Variants in PDE4D observed in about 807,000 individuals in gnomAD.
The protein encoded by PDE4D is phosphodiesterase 4D.
PDE4D carries 24 observed loss-of-function variants against 87.4 expected under a neutral mutation model. That is an observed-to-expected ratio of 0.27 (90% CI 0.20 to 0.39). The LOEUF (loss-of-function observed/expected upper bound fraction) is 0.39, where lower values mean the gene tolerates loss of function less well. Ranked by LOEUF, PDE4D falls within the 10% of genes least tolerant of loss-of-function variation. The probability of loss-of-function intolerance (pLI) is 1.00; values close to 1 mark genes in which losing one functional copy is unlikely to be tolerated. For synonymous variants in PDE4D, 384 were observed against 383.2 expected (o/e 1.00, Z -0.02); for missense variants, 714 against 1,041.0 (o/e 0.69, Z 4.32).
At chr5:59,276,047 G>A (rs1764728983) in intron 1 of PDE4D, 2 of 983,002 alleles carry the variant, frequency 2.0e-6, no homozygotes, top group Non-Finnish European at 2.4e-6. Context: ...AATCTCACCA[G>A]GCAGAAACTA....
chr5:59,686,615 T>C (rs1749908036), intron 1 of PDE4D, among the ~76,000 whole-genome samples: 1 of 152,170 alleles, frequency 6.6e-6, no homozygotes, highest in Admixed American at 6.6e-5. Context: ...ATAATATCTG[T>C]TGAGTGAATG....
intron 1 of PDE4D, chr5:59,528,933 C>T (rs1002861896): frequency 2.3e-4 from 96 of 417,966 alleles, no homozygotes; most frequent in Admixed American, 5.4e-4. Flanking sequence ...CCAAATATGA[C>T]ATATCTCTGG....
chr5:59,884,045 A>C (rs571136681), intron 1 of PDE4D, among the ~76,000 whole-genome samples: 1 of 152,142 alleles, frequency 6.6e-6, no homozygotes, highest in Non-Finnish European at 1.5e-5. Context: ...TAAAAACAAC[A>C]CATGCTCATT....
chr5:60,504,375 T>C (rs1285542933), intron 1 of PDE4D, among the ~76,000 whole-genome samples: 1 of 152,008 alleles, frequency 6.6e-6, no homozygotes, highest in Non-Finnish European at 1.5e-5. Flanking sequence ...ATTTTTAGCA[T>C]GACATGTGAA....
chr5:60,183,931 G>A (rs1033540809), intron 2 of PDE4D, among the ~76,000 whole-genome samples: 8 of 152,082 alleles, frequency 5.3e-5, no homozygotes, highest in African/African-American at 1.9e-4. Flanking sequence ...ATTTAATTAA[G>A]TGGAAGCATT....
rs1755516208 is a variant in PDE4D, at chr5:59,928,408, T to C, written c.272+60080A>G. Among the ~76,000 whole-genome samples the C allele has an allele frequency of 3.3e-5, 5 of 152,112 alleles. No individual in the cohort carries two copies. The South Asian group carries it at 1.0e-3, about 32-fold the overall frequency. On this transcript the variant is annotated intron_variant, in intron 3 of 16. Coordinates refer to the PDE4D transcript ENST00000502484. ...GCCTGGCCAACATCCTGAGACACCG[T>C]CTCTACCGAAAATACAAAAATTAGC...
At chr5:59,422,279 C>A (rs1353455124) in intron 1 of PDE4D, among the ~76,000 whole-genome samples, 1 of 152,120 alleles carries the variant, frequency 6.6e-6, no homozygotes, top group Non-Finnish European at 1.5e-5. Flanking sequence ...TCCTTCTCAT[C>A]AAATTTCTTC....
chr5:59,512,303 C>T lies in PDE4D; in HGVS notation c.456-296335G>A, dbSNP rs941816444. Among the ~76,000 whole-genome samples, 8 of 152,092 alleles carry T rather than the reference C, an allele frequency of 5.3e-5. No individual in the cohort carries two copies. The South Asian group carries it at 1.7e-3, about 32-fold the overall frequency. On this transcript the variant is annotated intron_variant, in intron 1 of 14. Transcript: ENST00000340635. ...TGACATGAAGATATTTTCTCTGTTT[C>T]CATTAAGGTTATATTCCTCTCTGGG...
At chr5:59,806,491 G>A (rs1767749907) in intron 1 of PDE4D, among the ~76,000 whole-genome samples, 1 of 152,146 alleles carries the variant, frequency 6.6e-6, no homozygotes, top group Non-Finnish European at 1.5e-5. Context: ...AAGGGCTAAT[G>A]GAACAGCCAT....
chr5:59,821,376 C>A (rs576686342), intron 1 of PDE4D, among the ~76,000 whole-genome samples: 13 of 152,166 alleles, frequency 8.5e-5, no homozygotes, highest in Admixed American at 2.6e-4. Flanking sequence ...AAGGTAACTC[C>A]ATTTTGAATC....
chr5:59,342,789 T>C (rs187416306), intron 1 of PDE4D, among the ~76,000 whole-genome samples: 2 of 152,094 alleles, frequency 1.3e-5, no homozygotes, highest in East Asian at 3.9e-4. Flanking sequence ...CCTCCTCTTT[T>C]CAAAAAATTC....
intron 2 of PDE4D, among the ~76,000 whole-genome samples, chr5:60,056,683 C>G (rs1009014011): frequency 7.9e-5 from 12 of 152,004 alleles, no homozygotes; most frequent in Non-Finnish European, 4.4e-5. Flanking sequence ...CTTAAGCAAC[C>G]TGTCTAATTT....
chr5:59,205,653 A>AC lies in PDE4D; in HGVS notation c.647+10123_647+10124insG, dbSNP rs1748592143. On this transcript the variant is annotated intron_variant, in intron 2 of 14. Transcript: ENST00000340635. ...TGTCTAATATGCTATCCACTAGCTA[A>AC]ACACACACACACACACACACACACA... Among the ~76,000 whole-genome samples, 3 of 136,408 alleles carry AC rather than the reference A, an allele frequency of 2.2e-5. No individual in the cohort carries two copies. In the East Asian group the frequency reaches 6.5e-4, roughly 29 times the overall value. 89.5% of individuals were successfully genotyped at this position (136,408 alleles called of 152,430 possible). A position where few individuals can be genotyped will look rare whatever the true frequency, so the allele number is the denominator to read the frequency against.
intron 2 of PDE4D, among the ~76,000 whole-genome samples, chr5:60,090,830 G>T (rs765067546): frequency 6.6e-6 from 1 of 152,074 alleles, no homozygotes; most frequent in Non-Finnish European, 1.5e-5. Flanking sequence ...CATTAAAGTT[G>T]CAATATACAA....
At chr5:59,040,817 G>C (rs1212688431) in intron 5 of PDE4D, among the ~76,000 whole-genome samples, 4 of 152,184 alleles carry the variant, frequency 2.6e-5, no homozygotes, top group Non-Finnish European at 5.9e-5. Flanking sequence ...AAGAAATTCT[G>C]CCCTTGAAAT....
At chr5:59,420,368 T>C (rs1421460568) in intron 1 of PDE4D, among the ~76,000 whole-genome samples, 1 of 152,182 alleles carries the variant, frequency 6.6e-6, no homozygotes. Context: ...TTAACACTCA[T>C]CTTCCTACTT....
At chr5:59,263,502 T>C (rs1035824723) in intron 1 of PDE4D, among the ~76,000 whole-genome samples, 4 of 152,000 alleles carry the variant, frequency 2.6e-5, no homozygotes, top group African/African-American at 9.7e-5. Context: ...CATACTAAAA[T>C]AATTATTGTA....
intron 2 of PDE4D, among the ~76,000 whole-genome samples, chr5:60,184,853 G>A (rs961540799): frequency 6.6e-6 from 1 of 152,088 alleles, no homozygotes; most frequent in African/African-American, 2.4e-5. Context: ...ATCCCCCTTG[G>A]GTAAATGAAC....
At chr5:59,852,510 A>T (rs139531165) in intron 1 of PDE4D, among the ~76,000 whole-genome samples, 1 of 152,074 alleles carries the variant, frequency 6.6e-6, no homozygotes, top group African/African-American at 2.4e-5. Flanking sequence ...TGTGCCAGCC[A>T]TGTGAGGGAG....
Sources: gnomAD v4.1 joint callset for allele counts (sites outside exome capture counted in the v4.1 genomes callset) on GRCh38, gnomAD v4.1.1 for gene constraint, MANE v1.5 for transcripts, NCBI Gene and HGNC (gene_info 2026-07-23, HGNC 2026-07-21) for gene names.